Variants in MPG observed in about 807,000 individuals in gnomAD.
MPG encodes the protein DNA-3-methyladenine glycosylase.
MPG carries 33 observed loss-of-function variants against 31.7 expected under a neutral mutation model. The observed-to-expected ratio is 1.04, with a 90% CI of 0.79 to 1.39. MPG has a LOEUF of 1.39. Ranked by LOEUF, MPG falls within the 40% of genes most tolerant of loss-of-function variation. MPG has a pLI of 0.00. For missense variants in MPG, 455 were observed against 415.5 expected, an observed-to-expected ratio of 1.10 and a Z score of -0.83; for synonymous variants, 202 against 169.2, an observed-to-expected ratio of 1.19 and a Z score of -1.51.
chr16:85,451 G>A lies in MPG; in HGVS notation c.556G>A (p.Glu186Lys). The A allele has an allele frequency of 1.9e-6, 3 of 1,612,912 alleles. No homozygotes were observed. Among genetic ancestry groups the A allele is most frequent in the Non-Finnish European group, 2.5e-6 (3 of 1,179,966 alleles). ...LRALEPLEGLETMRQLRSTLR... is the reference protein window; with the variant it reads ...LRALEPLEGLKTMRQLRSTLR... ...AGCACTGGAGCCCCTGGAAGGTCTG[G>A]AGACCATGCGTCAGCTTCGCAGCAC... The change falls in exon 4 of 4, where the codon GAG becomes AAG. Residue 186 changes from glutamate to lysine, a missense_variant. Transcript: ENST00000356432.
At chr16:81,176 G>A (rs1004588085) in intron 2 of MPG, among the ~76,000 whole-genome samples, 2 of 152,250 alleles carry the variant, frequency 1.3e-5, no homozygotes, top group Middle Eastern at 3.2e-3. Flanking sequence ...CTGGGCTGAG[G>A]AGGGTGTGGT....
At position 85,468 on chromosome 16, in the gene MPG, T is replaced by G. The variant is rs903855275; in HGVS notation, c.573T>G (p.Leu191=). 1.9e-6 allele frequency: 3 copies of G among 1,612,960 alleles called. No homozygotes were observed. The highest frequency in any genetic ancestry group is 2.7e-5 in the African/African-American group (2 of 74,926). Residue 191 remains leucine, a synonymous_variant, in exon 4 of 4, where the codon CTT becomes CTG. Coordinates refer to ENST00000356432, the MANE Select transcript of MPG (RefSeq NM_001015052.3). ...AAGGTCTGGAGACCATGCGTCAGCTTCGCAGCACCCTCCGGAAAGGCACCG... is the reference window on the plus strand; with the variant it reads ...AAGGTCTGGAGACCATGCGTCAGCTGCGCAGCACCCTCCGGAAAGGCACCG... The part of the protein sequence containing the change: ...PLEGLETMRQ[L]RSTLRKGTAS...
At chr16:81,564 G>C (rs1426107032) in intron 2 of MPG, among the ~76,000 whole-genome samples, 1 of 151,620 alleles carries the variant, frequency 6.6e-6, no homozygotes, top group Non-Finnish European at 1.5e-5. Flanking sequence ...TGGGCTTCCC[G>C]CCCAGGCACT....
chr16:78,410 CGGGAGT>C, intron 1 of MPG, 77 bp downstream of exon 1: 1 of 1,115,058 alleles, frequency 9.0e-7, no homozygotes, highest in Non-Finnish European at 1.1e-6. Flanking sequence ...GCCGCGGGAG[CGGGAGT>C]GCCGGGGACG....
chr16:77,373 G>A (rs373984977), upstream of MPG, among the ~76,000 whole-genome samples: 2 of 152,086 alleles, frequency 1.3e-5, no homozygotes, highest in Non-Finnish European at 1.5e-5. Context: ...AGGCCCTTCC[G>A]TCCACTGGGC....
Position 78,297 on chromosome 16 carries a change from C to A in MPG, c.-13C>A. ...GGGTCCGAGTCCCACGAAGCCCCGG[C>A]CCGAGCCGCCGGATGCCCGCGCGCA... On this transcript the variant is annotated 5_prime_UTR_variant, in exon 1 of 4. Transcript: ENST00000356432. 1 of 1,339,554 alleles carries A rather than the reference C, an allele frequency of 7.5e-7. No homozygotes were observed. 83.0% of individuals were successfully genotyped at this position (1,339,554 alleles called of 1,614,324 possible).
At position 82,976 on chromosome 16, in the gene MPG, A is replaced by G. The variant is rs1333955085; in HGVS notation, c.301-76A>G. 8 of 1,309,826 alleles carry G rather than the reference A, an allele frequency of 6.1e-6. No individual in the cohort carries two copies. The East Asian group carries it at 1.7e-4, about 27-fold the overall frequency. The allele number at this position is 1,309,826 out of a possible 1,614,324, so 81.1% of individuals were successfully genotyped here. On this transcript the variant is annotated intron_variant, in intron 2 of 3. Transcript: ENST00000356432. ...TGACACACCCTGAGCTGGGGAGATG[A>G]GGTCCAGGCTGGGCACTGTTAGGGT...
In MPG at chr16:83,044, G is replaced by A. The variant is rs1898294570; in HGVS notation, c.301-8G>A. 4 of 1,583,296 alleles carry A rather than the reference G, an allele frequency of 2.5e-6. No homozygotes were observed. The highest frequency in any genetic ancestry group is 2.6e-6 in the Non-Finnish European group (3 of 1,162,006). ...TTCCCGCCCTGAGCAGAAACTGACT[G>A]CCCACAGGTCCTAGTCCGGCGACTT... On this transcript the variant is annotated splice_region_variant and splice_polypyrimidine_tract_variant and intron_variant, in intron 2 of 3. Transcript: ENST00000356432.
Position 85,727 on chromosome 16 carries a change from C to T in MPG, c.832C>T (p.Pro278Ser), listed in dbSNP as rs1488261398. 6.6e-7 allele frequency: 1 copy of T among 1,526,380 alleles called. No individual in the cohort carries two copies. Among genetic ancestry groups the T allele is most frequent in the Non-Finnish European group, 8.8e-7 (1 of 1,134,816 alleles). 94.6% of individuals were successfully genotyped at this position (1,526,380 alleles called of 1,614,324 possible). ...CCTCCGCTTCTATGTCCGGGGCAGC[C>T]CCTGGGTCAGTGTGGTCGACAGAGT... ...KPLRFYVRGS[P>S]WVSVVDRVAE... is the part of the protein sequence containing the mutation. Residue 278 changes from proline (P) to serine (S), a missense_variant, in exon 4 of 4, where the codon CCC (proline) becomes TCC (serine). By Grantham distance (74) the Pro-to-Ser change is moderately conservative. Coordinates refer to ENST00000356432, the MANE Select transcript of MPG (RefSeq NM_001015052.3).
Position 78,249 on chromosome 16 carries a change from G to T in MPG, c.-61G>T, listed in dbSNP as rs1898143815. On this transcript the variant is annotated 5_prime_UTR_variant, in exon 1 of 4. Transcript: ENST00000356432. ...CGGTCCTAGGGGTGCTTCCGTGGTC[G>T]GCGGCTGCTGGGCTCCGCGCCGGGG... 6 of 1,362,686 alleles carry T rather than the reference G, an allele frequency of 4.4e-6. No homozygotes were observed. Among genetic ancestry groups the T allele is most frequent in the Middle Eastern group, 2.7e-4 (1 of 3,678 alleles). The allele number at this position is 1,362,686 out of a possible 1,614,324, so 84.4% of individuals were successfully genotyped here.
At chr16:77,556 A>G (rs1898120557), upstream of MPG, among the ~76,000 whole-genome samples, 1 of 152,208 alleles carries the variant, frequency 6.6e-6, no homozygotes, top group South Asian at 2.1e-4. Context: ...CCTGCGCTCC[A>G]GCAGGCCCAA....
chr16:82,395 A>G (rs1452744938), intron 2 of MPG, among the ~76,000 whole-genome samples: 1 of 152,164 alleles, frequency 6.6e-6, no homozygotes, highest in East Asian at 1.9e-4. Flanking sequence ...CGAGAGGTGC[A>G]GGGGATGTGG....
upstream of MPG, chr16:78,163 G>A (rs1898139533): frequency 4.9e-6 from 3 of 616,688 alleles, no homozygotes; most frequent in African/African-American, 3.9e-5. Context: ...GCCAGTTCCC[G>A]GCGCTCACTG....
rs150131864 is a variant in MPG at position 85,661 on chromosome 16, C to T, written c.766C>T (p.Arg256Trp). ...PSEPAVVAAA[R>W]VGVGHAGEWA... ...TGAGCCGGCTGTAGTGGCAGCAGCC[C>T]GGGTGGGCGTCGGCCATGCAGGGGA... Residue 256 changes from arginine (R) to tryptophan (W), a missense_variant, in exon 4 of 4, where the codon CGG becomes TGG. Physicochemically the swap from Arg to Trp is moderately radical, Grantham distance 101. Transcript: ENST00000356432. 1.0e-5 allele frequency: 16 copies of T among 1,584,164 alleles called. No homozygotes were observed. Among genetic ancestry groups the T allele is most frequent in the South Asian group, 4.5e-5 (4 of 88,800 alleles).
Position 83,050 on chromosome 16 carries a change from A to G in MPG, c.301-2A>G. On this transcript the variant is annotated splice_acceptor_variant, in intron 2 of 3. Coordinates refer to ENST00000356432, the MANE Select transcript of MPG (RefSeq NM_001015052.3). LOFTEE classifies it high-confidence loss of function. ...CCCTGAGCAGAAACTGACTGCCCAC[A>G]GGTCCTAGTCCGGCGACTTCCTAAT... 1 of 1,589,560 alleles carries G rather than the reference A, an allele frequency of 6.3e-7. No individual in the cohort carries two copies. The highest frequency in any genetic ancestry group is 8.6e-7 in the Non-Finnish European group (1 of 1,165,358).
At chr16:81,597 A>ACC (rs1567124091) in intron 2 of MPG, among the ~76,000 whole-genome samples, 2 of 150,004 alleles carry the variant, frequency 1.3e-5, no homozygotes, top group African/African-American at 5.0e-5. Flanking sequence ...CCACCACCCT[A>ACC]TCTCCAGGAA....
Position 79,436 on chromosome 16 carries a change from G to A in MPG, c.36G>A (p.Arg12=). The part of the protein sequence containing the change: ...PARSGAQFCR[R]MGQKKQRPAR... ...TTTTCCCATTACAGTTTTGCCGACG[G>A]ATGGGGCAAAAGAAGCAGCGACCAG... is the stretch of plus-strand genomic sequence containing the variant. The change falls in exon 2 of 4, where the codon CGG becomes CGA. Residue 12 remains arginine, a synonymous_variant. Transcript: ENST00000356432. 1 of 1,613,276 alleles carries A rather than the reference G, an allele frequency of 6.2e-7. No individual in the cohort carries two copies. The highest frequency in any genetic ancestry group is 8.5e-7 in the Non-Finnish European group (1 of 1,179,986).
intron 3 of MPG, chr16:84,375 G>A (rs558895554): frequency 6.6e-6 from 1 of 152,322 alleles, no homozygotes; most frequent in African/African-American, 2.4e-5. Context: ...ACTAGTGCTC[G>A]CCCCTGGCTG....
Position 78,280 on chromosome 16 carries a change from G to A in MPG, c.-30G>A, listed in dbSNP as rs1008940674. The A allele has an allele frequency of 2.5e-5, 34 of 1,370,640 alleles. No homozygotes were observed. The highest frequency in any genetic ancestry group is 3.1e-5 in the Non-Finnish European group (33 of 1,057,696). The allele number at this position is 1,370,640 out of a possible 1,614,324, so 84.9% of individuals were successfully genotyped here. A position where few individuals can be genotyped will look rare whatever the true frequency, so the allele number is the denominator to read the frequency against. ...TGCTGGGCTCCGCGCCGGGGTCCGA[G>A]TCCCACGAAGCCCCGGCCCGAGCCG... On this transcript the variant is annotated 5_prime_UTR_variant, in exon 1 of 4. Transcript: ENST00000356432.
Sources: gnomAD v4.1 joint callset for allele counts (sites outside exome capture counted in the v4.1 genomes callset) on GRCh38, gnomAD v4.1.1 for gene constraint, MANE v1.5 for transcripts, NCBI Gene and HGNC (gene_info 2026-07-23, HGNC 2026-07-21) for gene names.